TNNI3K: variants seen among roughly 807,000 people sequenced by gnomAD.
TNNI3K encodes serine/threonine-protein kinase TNNI3K.
Under a neutral mutation model 114.5 loss-of-function variants are expected in TNNI3K, and 140 were observed. The ratio of observed to expected loss-of-function variants is 1.22; its 90% confidence interval spans 1.07 to 1.41. The LOEUF is 1.41. TNNI3K is among the 40% of genes most tolerant of loss of function. The pLI is 0.00. For missense variants in TNNI3K, 1,125 were observed against 1,007.6 expected (o/e 1.12, Z -1.58); for synonymous variants, 347 against 347.5 (o/e 1.00, Z 0.02).
chr1:74,340,388 T>C (rs549297354), intron 7 of TNNI3K, among the ~76,000 whole-genome samples: 25 of 152,262 alleles, frequency 1.6e-4, no homozygotes, highest in African/African-American at 6.0e-4. Context: ...CATTCAATTT[T>C]TCTAAGATAT....
At chr1:74,411,016 A>C (rs1445463089) in intron 17 of TNNI3K, among the ~76,000 whole-genome samples, 2 of 152,226 alleles carry the variant, frequency 1.3e-5, no homozygotes, top group Non-Finnish European at 2.9e-5. Context: ...CATACCTTAA[A>C]GCATACATTG....
In TNNI3K at chr1:74,542,040, G is replaced by T. The variant is rs570696217; in HGVS notation, c.2431+1727G>T. Among the ~76,000 whole-genome samples the T allele has an allele frequency of 2.0e-5, 3 of 152,328 alleles. No individual in the cohort carries two copies. In the South Asian group the frequency reaches 6.2e-4, roughly 32 times the overall value. On this transcript the variant is annotated intron_variant, in intron 24 of 24. Transcript: ENST00000326637. ...TAACAAAACATTCAGACTTGGTTCA[G>T]TCTTTTCCTAAAACCTATGGTCAAA... is the stretch of plus-strand genomic sequence containing the variant.
intron 24 of TNNI3K, among the ~76,000 whole-genome samples, chr1:74,541,184 G>T (rs144600498): frequency 1.3e-5 from 2 of 152,280 alleles, no homozygotes; most frequent in African/African-American, 4.8e-5. Context: ...GATGAAGTGA[G>T]CCTGGGTAGG....
chr1:74,475,976 T>G (rs1278626504), intron 21 of TNNI3K, among the ~76,000 whole-genome samples: 1 of 152,204 alleles, frequency 6.6e-6, no homozygotes, highest in Admixed American at 6.5e-5. Flanking sequence ...GAGGCTACCA[T>G]TGACATTGTT....
chr1:74,289,652 A>C (rs565289912), intron 5 of TNNI3K, among the ~76,000 whole-genome samples: 13 of 152,112 alleles, frequency 8.5e-5, no homozygotes, highest in African/African-American at 3.1e-4. Context: ...CATTGATAGC[A>C]TGGAAATACT....
intron 9 of TNNI3K, among the ~76,000 whole-genome samples, chr1:74,347,453 A>G (rs1409223654): frequency 6.6e-6 from 1 of 152,098 alleles, no homozygotes; most frequent in African/African-American, 2.4e-5. Flanking sequence ...TAGTGCCGCA[A>G]TAAACATACG....
chr1:74,460,894 A>G (rs1034779184), intron 20 of TNNI3K, among the ~76,000 whole-genome samples: 1 of 152,272 alleles, frequency 6.6e-6, no homozygotes, highest in African/African-American at 2.4e-5. Context: ...ACTGCCAAGA[A>G]GCAAACAAGT....
chr1:74,251,000 C>T (rs1463362535), intron 4 of TNNI3K, among the ~76,000 whole-genome samples: 1 of 151,938 alleles, frequency 6.6e-6, no homozygotes, highest in African/African-American at 2.4e-5. Flanking sequence ...CACAAGAACC[C>T]CATGAGTGAA....
chr1:74,425,984 G>T (rs931325412), intron 17 of TNNI3K, among the ~76,000 whole-genome samples: 1 of 130,364 alleles, frequency 7.7e-6, no homozygotes, highest in African/African-American at 3.0e-5. Context: ...CTGAAGAGAC[G>T]CTGAAAGGTT....
intron 20 of TNNI3K, among the ~76,000 whole-genome samples, chr1:74,447,469 CAAA>C: frequency 7.1e-6 from 1 of 141,414 alleles, no homozygotes; most frequent in South Asian, 2.3e-4. Flanking sequence ...AGACACTTCT[CAAA>C]AGAAGACATT....
chr1:74,344,872 C>G (rs144176235), intron 9 of TNNI3K, among the ~76,000 whole-genome samples: 2 of 152,050 alleles, frequency 1.3e-5, no homozygotes, highest in African/African-American at 4.8e-5. Flanking sequence ...AAAAGAAACT[C>G]CTTTTACGTG....
At chr1:74,331,737 G>T (rs907229780) in intron 6 of TNNI3K, among the ~76,000 whole-genome samples, 189 bp downstream of exon 6, 107 of 152,102 alleles carry the variant, frequency 7.0e-4, no homozygotes, top group Non-Finnish European at 1.0e-3. Flanking sequence ...ACTCATTTTT[G>T]CTGATGATCT....
intron 17 of TNNI3K, among the ~76,000 whole-genome samples, chr1:74,400,158 T>G (rs547128179): frequency 6.6e-6 from 1 of 152,188 alleles, no homozygotes; most frequent in Non-Finnish European, 1.5e-5. Context: ...ACAATCCAGC[T>G]ACTCTAGACC....
At chr1:74,368,453 ATAGTTTCC>A (rs2100517750) in intron 13 of TNNI3K, among the ~76,000 whole-genome samples, 1 of 152,016 alleles carries the variant, frequency 6.6e-6, no homozygotes, top group South Asian at 2.1e-4. Flanking sequence ...TAAATTCCAA[ATAGTTTCC>A]TTAGAATGTA....
intron 4 of TNNI3K, among the ~76,000 whole-genome samples, chr1:74,256,243 T>A (rs918698506): frequency 3.3e-5 from 5 of 149,764 alleles, no homozygotes; most frequent in Non-Finnish European, 7.4e-5. Flanking sequence ...ATGAGAGCTG[T>A]AGTTTTTTCA....
rs555085516 is a variant in TNNI3K at position 74,243,787 on chromosome 1, A to G, written c.150-5672A>G. On this transcript the variant is annotated intron_variant, in intron 2 of 24. Transcript: ENST00000326637. ...AAGAACAGCATTTACTATTAGAAAT[A>G]TATTCATAATAGTGGCTTTATTTTA... 9.2e-5 allele frequency among the ~76,000 whole-genome samples: 14 copies of G among 152,292 alleles called. No individual in the cohort carries two copies. In the East Asian group the frequency reaches 1.9e-3, roughly 21 times the overall value.
intron 5 of TNNI3K, among the ~76,000 whole-genome samples, chr1:74,286,606 T>C (rs1304156361): frequency 6.6e-6 from 1 of 151,752 alleles, no homozygotes; most frequent in Non-Finnish European, 1.5e-5. Flanking sequence ...AGACATCAGA[T>C]TGACCCCTGT....
intron 5 of TNNI3K, among the ~76,000 whole-genome samples, chr1:74,320,743 TGTCTTATTAGATGACTCCAACTC>T (rs1214450027): frequency 6.6e-6 from 1 of 152,220 alleles, no homozygotes; most frequent in Non-Finnish European, 1.5e-5. Context: ...TCCCTTCTTA[TGTCTTATTAGATGACTCCAACTC>T]ACCTTTTGAG....
intron 23 of TNNI3K, among the ~76,000 whole-genome samples, chr1:74,498,926 A>G (rs1261273141): frequency 6.6e-6 from 1 of 152,232 alleles, no homozygotes; most frequent in Non-Finnish European, 1.5e-5. Context: ...TCATGTGCAG[A>G]GCATTAATAT....
Sources: gnomAD v4.1 joint callset for allele counts (sites outside exome capture counted in the v4.1 genomes callset) on GRCh38, gnomAD v4.1.1 for gene constraint, MANE v1.5 for transcripts, NCBI Gene and HGNC (gene_info 2026-07-23, HGNC 2026-07-21) for gene names.